Variants in SLC39A11 observed in about 807,000 individuals in gnomAD.
SLC39A11 encodes zinc transporter ZIP11.
SLC39A11 carries 33 observed loss-of-function variants against 36.1 expected under a neutral mutation model. That is an observed-to-expected ratio of 0.91 (90% CI 0.69 to 1.22). The LOEUF (loss-of-function observed/expected upper bound fraction) is 1.22, where lower values mean the gene tolerates loss of function less well. Among genes scored for constraint, SLC39A11 ranks in the 50% most tolerant of loss-of-function variants. The pLI is 0.00. For synonymous variants in SLC39A11, 166 were observed against 170.3 expected, an observed-to-expected ratio of 0.97 and a Z score of 0.20; for missense variants, 432 against 430.3, an observed-to-expected ratio of 1.00 and a Z score of -0.03.
chr17:72,678,206 T>C (rs2071357887), intron 7 of SLC39A11, among the ~76,000 whole-genome samples: 1 of 152,224 alleles, frequency 6.6e-6, no homozygotes, highest in African/African-American at 2.4e-5. Context: ...TTAACTCAAG[T>C]GTGCATAGTT....
chr17:72,663,584 ATAGT>A (rs1162633481), intron 7 of SLC39A11, among the ~76,000 whole-genome samples: 1 of 152,100 alleles, frequency 6.6e-6, no homozygotes, highest in East Asian at 1.9e-4. Flanking sequence ...CTTTATATAG[ATAGT>A]TGAGGCAGCA....
intron 6 of SLC39A11, among the ~76,000 whole-genome samples, chr17:72,826,643 G>A (rs371807159): frequency 6.6e-6 from 1 of 152,146 alleles, no homozygotes; most frequent in Non-Finnish European, 1.5e-5. Flanking sequence ...GTTAGAGAAA[G>A]ATTCCTTAAG....
chr17:73,040,791 C>T (rs2059080163), intron 3 of SLC39A11, among the ~76,000 whole-genome samples: 1 of 151,962 alleles, frequency 6.6e-6, no homozygotes, highest in Non-Finnish European at 1.5e-5. Context: ...TTGAGACCAG[C>T]CTGGTCAATA....
At chr17:72,731,226 A>AT (rs2074201095) in intron 7 of SLC39A11, among the ~76,000 whole-genome samples, 1 of 152,168 alleles carries the variant, frequency 6.6e-6, no homozygotes, top group Admixed American at 6.5e-5. Flanking sequence ...TGAAGACAGC[A>AT]TTCCCCTGTC....
At chr17:72,767,534 G>C (rs1045561826) in intron 6 of SLC39A11, among the ~76,000 whole-genome samples, 1 of 152,202 alleles carries the variant, frequency 6.6e-6, no homozygotes, top group African/African-American at 2.4e-5. Context: ...GTGGTACTAA[G>C]TGCCATGAAG....
Position 72,934,030 on chromosome 17 carries a change from T to C in SLC39A11, c.430+13722A>G, listed in dbSNP as rs1171529022. Among the ~76,000 whole-genome samples the C allele has an allele frequency of 6.0e-5, 9 of 150,258 alleles. No homozygotes were observed. The East Asian group carries it at 1.4e-3, about 23-fold the overall frequency. On this transcript the variant is annotated intron_variant, in intron 5 of 9. Transcript: ENST00000255559. ...CTGCTGGGACAATTTAACATCCATA[T>C]GAAAAAAAAAAACTCAACCTTGAAC...
chr17:72,944,108 C>G (rs1001647621), intron 5 of SLC39A11, among the ~76,000 whole-genome samples: 1 of 152,158 alleles, frequency 6.6e-6, no homozygotes, highest in Admixed American at 6.6e-5. Flanking sequence ...ATTACTTATG[C>G]TTATAAAACC....
chr17:73,078,104 G>A (rs142173147), intron 3 of SLC39A11, among the ~76,000 whole-genome samples: 6,205 of 152,072 alleles, frequency 0.041, 167 homozygotes, highest in Middle Eastern at 0.068. Flanking sequence ...CGGGTGTGGT[G>A]GCGTGCACCT....
At chr17:72,736,394 A>C (rs897949679) in intron 7 of SLC39A11, among the ~76,000 whole-genome samples, 1 of 152,174 alleles carries the variant, frequency 6.6e-6, no homozygotes, top group African/African-American at 2.4e-5. Flanking sequence ...CTTAGAGTAC[A>C]GCTTGCGATT....
At chr17:72,885,961 T>G (rs1193423360) in intron 5 of SLC39A11, among the ~76,000 whole-genome samples, 1 of 152,232 alleles carries the variant, frequency 6.6e-6, no homozygotes, top group Non-Finnish European at 1.5e-5. Context: ...CCCAATCCAG[T>G]GCTCCCATCT....
At chr17:72,730,627 TCTCTC>T (rs1433869576) in intron 7 of SLC39A11, among the ~76,000 whole-genome samples, 1 of 152,186 alleles carries the variant, frequency 6.6e-6, no homozygotes, top group African/African-American at 2.4e-5. Context: ...TATACCTCTC[TCTCTC>T]ATTAGTAGTT....
chr17:72,944,898 T>C (rs2085335115), intron 5 of SLC39A11, among the ~76,000 whole-genome samples: 1 of 152,140 alleles, frequency 6.6e-6, no homozygotes, highest in African/African-American at 2.4e-5. Flanking sequence ...TATAGAAACA[T>C]GATAATTCTG....
chr17:72,700,593 A>G (rs1005276692), intron 7 of SLC39A11, among the ~76,000 whole-genome samples: 2 of 152,230 alleles, frequency 1.3e-5, no homozygotes, highest in African/African-American at 4.8e-5. Flanking sequence ...AAGCAATCCA[A>G]GGCAAGGGCA....
At chr17:72,903,838 A>C (rs937613509) in intron 5 of SLC39A11, among the ~76,000 whole-genome samples, 1 of 152,142 alleles carries the variant, frequency 6.6e-6, no homozygotes, top group Non-Finnish European at 1.5e-5. Context: ...CAGAACCGGA[A>C]AACTCAACTG....
At chr17:72,686,531 T>A (rs2071759699) in intron 7 of SLC39A11, among the ~76,000 whole-genome samples, 1 of 151,450 alleles carries the variant, frequency 6.6e-6, no homozygotes, top group African/African-American at 2.4e-5. Flanking sequence ...CAGACCCCCC[T>A]CTGCTTGGCA....
intron 3 of SLC39A11, among the ~76,000 whole-genome samples, chr17:73,038,052 G>A (rs978660532): frequency 3.3e-5 from 5 of 150,976 alleles, no homozygotes; most frequent in African/African-American, 9.7e-5. Context: ...GCGAAACCCC[G>A]TCTCTACTAA....
At chr17:73,030,395 T>C (rs901038157) in intron 4 of SLC39A11, among the ~76,000 whole-genome samples, 21 of 152,232 alleles carry the variant, frequency 1.4e-4, no homozygotes, top group African/African-American at 5.1e-4. Flanking sequence ...GCATAGTTCC[T>C]GGGAATCGTT....
At chr17:72,821,939 T>C (rs1292310943) in intron 6 of SLC39A11, 1 of 151,442 alleles carries the variant, frequency 6.6e-6, no homozygotes, top group Non-Finnish European at 1.5e-5. Context: ...CATTCCCCTG[T>C]GGGAGACCAA....
intron 3 of SLC39A11, among the ~76,000 whole-genome samples, chr17:73,065,592 A>C (rs541378902): frequency 6.6e-6 from 1 of 152,248 alleles, no homozygotes; most frequent in East Asian, 1.9e-4. Context: ...GAAGATATTA[A>C]GTTACTGTCA....
Sources: allele counts gnomAD v4.1 joint callset (sites outside exome capture counted in the v4.1 genomes callset), GRCh38; gene constraint gnomAD v4.1.1; transcripts MANE v1.5; gene names NCBI Gene and HGNC (gene_info 2026-07-23, HGNC 2026-07-21).